CNTNAP2: variants seen among roughly 807,000 people sequenced by gnomAD.
CNTNAP2 encodes the protein contactin associated protein 2.
CNTNAP2 carries 98 observed loss-of-function variants against 155.2 expected under a neutral mutation model. That is an observed-to-expected ratio of 0.63 (90% CI 0.54 to 0.75). The LOEUF (loss-of-function observed/expected upper bound fraction) is 0.75. Among genes scored for constraint, CNTNAP2 ranks in the 30% least tolerant of loss-of-function variants. CNTNAP2 has a pLI of 0.00. For synonymous variants in CNTNAP2, 651 were observed against 631.2 expected (o/e 1.03, Z -0.47); for missense variants, 1,727 against 1,688.1 (o/e 1.02, Z -0.40).
At chr7:147,367,732 C>A (rs1796259160) in intron 9 of CNTNAP2, among the ~76,000 whole-genome samples, 2 of 152,050 alleles carry the variant, frequency 1.3e-5, no homozygotes, top group African/African-American at 4.8e-5. Flanking sequence ...ACACTTCCGG[C>A]TCCAGTTAAG....
chr7:147,226,828 A>G (rs1725394211), intron 8 of CNTNAP2, among the ~76,000 whole-genome samples: 1 of 152,178 alleles, frequency 6.6e-6, no homozygotes, highest in Non-Finnish European at 1.5e-5. Flanking sequence ...TTAACCCAGA[A>G]TTTATTCAAG....
intron 1 of CNTNAP2, among the ~76,000 whole-genome samples, chr7:146,753,023 G>A (rs750145541): frequency 9.2e-5 from 14 of 152,106 alleles, no homozygotes; most frequent in Non-Finnish European, 1.8e-4. Flanking sequence ...AGTTCATAGA[G>A]CCTGACTTTT....
At chr7:147,124,315 GC>G (rs1801189167) in intron 6 of CNTNAP2, among the ~76,000 whole-genome samples, 1 of 152,118 alleles carries the variant, frequency 6.6e-6, no homozygotes, top group Non-Finnish European at 1.5e-5. Context: ...AGATTATACT[GC>G]CTCAATCAAT....
chr7:146,564,484 T>G (rs1798327032), intron 1 of CNTNAP2, among the ~76,000 whole-genome samples: 1 of 149,834 alleles, frequency 6.7e-6, no homozygotes, highest in South Asian at 2.1e-4. Flanking sequence ...GTTTCATATA[T>G]CATATATAAT....
At chr7:146,834,508 G>C (rs563854493) in intron 2 of CNTNAP2, among the ~76,000 whole-genome samples, 1 of 152,032 alleles carries the variant, frequency 6.6e-6, no homozygotes, top group African/African-American at 2.4e-5. Flanking sequence ...ACAGATGGAG[G>C]ATGGGAGGGG....
At chr7:146,750,144 C>T (rs1390384206) in intron 1 of CNTNAP2, among the ~76,000 whole-genome samples, 2 of 152,152 alleles carry the variant, frequency 1.3e-5, no homozygotes, top group African/African-American at 4.8e-5. Context: ...CTGGCCCAAA[C>T]AAGCCAAATT....
chr7:146,121,973 C>T (rs1797569846), intron 1 of CNTNAP2, among the ~76,000 whole-genome samples: 3 of 152,126 alleles, frequency 2.0e-5, no homozygotes, highest in Admixed American at 2.0e-4. Context: ...TCTGTAGAAG[C>T]TATATGTTTT....
intron 17 of CNTNAP2, among the ~76,000 whole-genome samples, chr7:148,158,901 G>A (rs756200323): frequency 3.3e-5 from 5 of 152,078 alleles, no homozygotes; most frequent in Non-Finnish European, 5.9e-5. Context: ...ATAATAAATG[G>A]CAACTGTCCC....
chr7:148,118,116 A>G lies in CNTNAP2; in HGVS notation c.2384-2A>G, dbSNP rs1804515316. 6.2e-7 allele frequency: 1 copy of G among 1,614,104 alleles called. No individual in the cohort carries two copies. The highest frequency in any genetic ancestry group is 8.5e-7 in the Non-Finnish European group (1 of 1,180,018). ...CCTGATTTTTTTGTTTTCTTCCCAC[A>G]GGGAATTATTGGAATGCCGCCTCTT... On this transcript the variant is annotated splice_acceptor_variant, in intron 15 of 23. Coordinates refer to ENST00000361727, the MANE Select transcript of CNTNAP2 (RefSeq NM_014141.6). LOFTEE classifies it high-confidence loss of function.
At chr7:146,589,799 T>C (rs1798754097) in intron 1 of CNTNAP2, among the ~76,000 whole-genome samples, 1 of 152,042 alleles carries the variant, frequency 6.6e-6, no homozygotes, top group Admixed American at 6.5e-5. Context: ...GTTTATGTGT[T>C]ATTCAAGTGA....
chr7:146,460,085 T>C (rs1281831161), intron 1 of CNTNAP2, among the ~76,000 whole-genome samples: 2 of 152,124 alleles, frequency 1.3e-5, no homozygotes, highest in Admixed American at 6.6e-5. Flanking sequence ...TTAGAACTAT[T>C]GGAACAAGAG....
At chr7:146,891,114 G>C (rs1309944026) in intron 3 of CNTNAP2, among the ~76,000 whole-genome samples, 2 of 152,128 alleles carry the variant, frequency 1.3e-5, no homozygotes, top group Non-Finnish European at 2.9e-5. Context: ...TGCAGCTAGA[G>C]GCCATTATCC....
intron 3 of CNTNAP2, among the ~76,000 whole-genome samples, chr7:146,961,693 G>T (rs1001591207): frequency 3.3e-5 from 5 of 152,146 alleles, no homozygotes; most frequent in Non-Finnish European, 7.3e-5. Flanking sequence ...ATATTGTTGA[G>T]CTAGGGAATG....
chr7:148,092,879 TAAA>T (rs11321148), intron 15 of CNTNAP2, among the ~76,000 whole-genome samples: 21 of 122,712 alleles, frequency 1.7e-4, no homozygotes, highest in South Asian at 2.6e-4. Context: ...AGTCTCAATT[TAAA>T]AAAAAAAAAA....
intron 10 of CNTNAP2, among the ~76,000 whole-genome samples, chr7:147,457,984 A>G (rs1283065925): frequency 6.6e-6 from 1 of 152,122 alleles, no homozygotes; most frequent in Admixed American, 6.6e-5. Context: ...TCTCCTTTTC[A>G]TTCAGACTCA....
intron 3 of CNTNAP2, chr7:146,962,923 C>T (rs1025515059): frequency 3.3e-5 from 5 of 152,204 alleles, no homozygotes; most frequent in African/African-American, 1.2e-4. Context: ...CCCTAGACTG[C>T]TCTCCCAAGA....
intron 10 of CNTNAP2, among the ~76,000 whole-genome samples, chr7:147,484,239 A>C (rs1177332814): frequency 1.3e-5 from 2 of 152,112 alleles, no homozygotes; most frequent in East Asian, 3.9e-4. Flanking sequence ...ATTTAGGGTG[A>C]ATTTTCCATC....
rs57215903 is a variant in CNTNAP2, at chr7:147,137,873, G to GTAGATAGATAGA, written c.1348+5396_1348+5407dup. 8.2e-3 allele frequency among the ~76,000 whole-genome samples: 1,145 copies of GTAGATAGATAGA among 140,130 alleles called. 10 individuals are homozygous for GTAGATAGATAGA. Among genetic ancestry groups the GTAGATAGATAGA allele is most frequent in the East Asian group, 0.015 (65 of 4,480 alleles). 91.9% of individuals were successfully genotyped at this position (140,130 alleles called of 152,430 possible). ...AAATGATTGGAAAATAGATAGATAC[G>GTAGATAGATAGA]TAGATAGATAGATAGATAGATAGAT... On this transcript the variant is annotated intron_variant, in intron 8 of 23. Coordinates refer to ENST00000361727, the MANE Select transcript of CNTNAP2 (RefSeq NM_014141.6).
At chr7:146,294,722 T>G (rs1295592020) in intron 1 of CNTNAP2, among the ~76,000 whole-genome samples, 1 of 152,206 alleles carries the variant, frequency 6.6e-6, no homozygotes, top group Non-Finnish European at 1.5e-5. Flanking sequence ...CTTAGAGAAT[T>G]AAACTCACTT....
Sources: gnomAD v4.1 joint callset for allele counts (sites outside exome capture counted in the v4.1 genomes callset) on GRCh38, gnomAD v4.1.1 for gene constraint, MANE v1.5 for transcripts, NCBI Gene and HGNC (gene_info 2026-07-23, HGNC 2026-07-21) for gene names.